ACTR3C: variants seen among roughly 807,000 people sequenced by gnomAD.
ACTR3C encodes actin related protein 3C.
In ACTR3C, 18 loss-of-function variants were observed where a neutral mutation model predicts 26.3. That is an observed-to-expected ratio of 0.68 (90% CI 0.47 to 1.01). The LOEUF is 1.01. Ranked by LOEUF, ACTR3C falls within the 50% of genes least tolerant of loss-of-function variation. The probability of loss-of-function intolerance (pLI) is 0.00; values close to 1 mark genes in which losing one functional copy is unlikely to be tolerated. For synonymous variants in ACTR3C, 55 were observed against 94.5 expected, an observed-to-expected ratio of 0.58 and a Z score of 2.42; for missense variants, 184 against 250.7, an observed-to-expected ratio of 0.73 and a Z score of 1.80.
chr7:150,250,790 G>A (rs1182638324), intron 6 of ACTR3C, among the ~76,000 whole-genome samples: 1 of 152,020 alleles, frequency 6.6e-6, no homozygotes, highest in African/African-American at 2.4e-5. Context: ...TGGGGTGGAA[G>A]ATCAGAAGTC....
chr7:150,036,088 C>G, the ACTR3C span, among the ~76,000 whole-genome samples: 2 of 131,348 alleles, frequency 1.5e-5, no homozygotes, highest in African/African-American at 2.7e-5. Context: ...TGCTCCCCCC[C>G]CTGCGATGGG....
chr7:150,162,764 A>G, the ACTR3C span, among the ~76,000 whole-genome samples: 1 of 152,242 alleles, frequency 6.6e-6, no homozygotes, highest in Non-Finnish European at 1.5e-5. Flanking sequence ...TAGGGATTGT[A>G]AAGATCCATC....
chr7:150,179,967 T>G, the ACTR3C span, among the ~76,000 whole-genome samples: 1 of 151,374 alleles, frequency 6.6e-6, no homozygotes, highest in African/African-American at 2.5e-5. Flanking sequence ...ACAAGCATTT[T>G]AATATTTATC....
chr7:150,094,797 C>T, the ACTR3C span, among the ~76,000 whole-genome samples: 68 of 150,856 alleles, frequency 4.5e-4, 3 homozygotes, highest in African/African-American at 1.6e-3. Flanking sequence ...CAGTGAGGCC[C>T]GCAGGATCTC....
intron 1 of ACTR3C, among the ~76,000 whole-genome samples, chr7:150,301,331 A>C (rs2531028): frequency 1.5e-4 from 23 of 152,156 alleles, no homozygotes; most frequent in African/African-American, 5.6e-4. Flanking sequence ...CAGCAAAGAG[A>C]TGCCTATTTA....
At chr7:150,307,955 C>T (rs1333631007) in intron 1 of ACTR3C, among the ~76,000 whole-genome samples, 3 of 152,170 alleles carry the variant, frequency 2.0e-5, no homozygotes, top group Non-Finnish European at 4.4e-5. Flanking sequence ...CCTTCATTTC[C>T]TTTTGCTTTC....
At chr7:149,999,934 T>G in the ACTR3C span, among the ~76,000 whole-genome samples, 1 of 152,034 alleles carries the variant, frequency 6.6e-6, no homozygotes, top group Admixed American at 6.5e-5. Context: ...GCTGTTGTTG[T>G]TATAAATATA....
At chr7:150,165,246 T>A in the ACTR3C span, among the ~76,000 whole-genome samples, 3 of 152,098 alleles carry the variant, frequency 2.0e-5, no homozygotes, top group African/African-American at 7.2e-5. Context: ...TTCTGTGAAT[T>A]TTCCCCTCTG....
the ACTR3C span, among the ~76,000 whole-genome samples, chr7:150,132,672 A>G: frequency 2.0e-5 from 3 of 152,248 alleles, no homozygotes; most frequent in Admixed American, 6.5e-5. Context: ...AGTGTATGAT[A>G]ATCCCAGCCA....
intron 2 of ACTR3C, among the ~76,000 whole-genome samples, chr7:150,294,066 T>C (rs368318060): frequency 1.3e-5 from 2 of 152,212 alleles, no homozygotes; most frequent in East Asian, 1.9e-4. Context: ...GGGCCACAGA[T>C]TGGCAATGAG....
the ACTR3C span, among the ~76,000 whole-genome samples, chr7:150,038,831 C>A: frequency 1.0e-4 from 14 of 140,090 alleles, no homozygotes; most frequent in East Asian, 2.1e-4. Context: ...GATGGGGGTC[C>A]TAAGAGCCAG....
the ACTR3C span, among the ~76,000 whole-genome samples, chr7:150,077,389 G>T: frequency 1.3e-3 from 204 of 152,260 alleles, no homozygotes; most frequent in African/African-American, 4.8e-3. Context: ...GGTTACATGA[G>T]CTGGGGTCAC....
At chr7:149,926,203 G>A in the ACTR3C span, among the ~76,000 whole-genome samples, 17 of 152,266 alleles carry the variant, frequency 1.1e-4, no homozygotes, top group South Asian at 2.7e-3. Context: ...AACTTTGCAT[G>A]GTAAAAGACA....
chr7:150,095,401 C>T, the ACTR3C span, among the ~76,000 whole-genome samples: 5 of 150,490 alleles, frequency 3.3e-5, no homozygotes, highest in Non-Finnish European at 5.9e-5. Context: ...CTCAGATGGC[C>T]CAGGCAGCCA....
At chr7:149,886,282 G>A in the ACTR3C span, among the ~76,000 whole-genome samples, 8 of 152,166 alleles carry the variant, frequency 5.3e-5, no homozygotes, top group African/African-American at 1.9e-4. Context: ...TGACAAATAA[G>A]TACTATGAAA....
the ACTR3C span, among the ~76,000 whole-genome samples, chr7:150,238,896 G>A: frequency 3.4e-5 from 5 of 146,188 alleles, no homozygotes; most frequent in African/African-American, 5.4e-5. Flanking sequence ...AAGTTAATTC[G>A]ATGTACCAAA....
the ACTR3C span, among the ~76,000 whole-genome samples, chr7:150,199,130 C>G: frequency 6.7e-6 from 1 of 150,082 alleles, no homozygotes; most frequent in Non-Finnish European, 1.5e-5. Context: ...TGAGAACGGG[C>G]CAGGATGACA....
chr7:150,060,331 T>C, the ACTR3C span, among the ~76,000 whole-genome samples: 1 of 150,522 alleles, frequency 6.6e-6, no homozygotes, highest in African/African-American at 2.5e-5. Flanking sequence ...TCGTGTGTTT[T>C]TCCTTATTTT....
At chr7:150,168,565 C>G in the ACTR3C span, among the ~76,000 whole-genome samples, 1 of 150,758 alleles carries the variant, frequency 6.6e-6, no homozygotes, top group Non-Finnish European at 1.5e-5. Flanking sequence ...AAGTGTAATG[C>G]ACTTGAATCA....
Sources: allele counts gnomAD v4.1 joint callset (sites outside exome capture counted in the v4.1 genomes callset), GRCh38; gene constraint gnomAD v4.1.1; transcripts MANE v1.5; gene names NCBI Gene and HGNC (gene_info 2026-07-23, HGNC 2026-07-21).